ADAM19: variants seen among roughly 807,000 people sequenced by gnomAD.
The protein encoded by ADAM19 is ADAM metallopeptidase domain 19, also known as disintegrin and metalloproteinase domain-containing protein 19.
In ADAM19, 65 loss-of-function variants were observed where a neutral mutation model predicts 114.7. That is an observed-to-expected ratio of 0.57 (90% confidence interval 0.46 to 0.70). The LOEUF (loss-of-function observed/expected upper bound fraction) is 0.70. ADAM19 is among the 30% of genes least tolerant of loss of function. ADAM19 has a pLI of 0.00. For missense variants in ADAM19, 1,063 were observed against 1,204.7 expected (o/e 0.88, Z 1.74); for synonymous variants, 466 against 460.5 (o/e 1.01, Z -0.15).
At chr5:157,526,173 T>TACACAC (rs35119605) in intron 5 of ADAM19, among the ~76,000 whole-genome samples, 6 of 109,302 alleles carry the variant, frequency 5.5e-5, no homozygotes, top group Admixed American at 2.0e-4. Context: ...TATATATATA[T>TACACAC]ACACACACAC....
intron 7 of ADAM19, among the ~76,000 whole-genome samples, chr5:157,514,829 C>T (rs962591826): frequency 3.6e-4 from 55 of 152,304 alleles, no homozygotes; most frequent in African/African-American, 1.3e-3. Context: ...CTGCAAATTA[C>T]ATTTAAAAAT....
At chr5:157,515,509 G>A (rs1288695627) in intron 7 of ADAM19, among the ~76,000 whole-genome samples, 1 of 152,180 alleles carries the variant, frequency 6.6e-6, no homozygotes, top group Non-Finnish European at 1.5e-5. Context: ...CTGTGCAGTG[G>A]TGGCTCAGAA....
chr5:157,489,174 C>T lies in ADAM19; in HGVS notation c.2253G>A (p.Arg751=), dbSNP rs778354767. ...KLRQQFSCPF[R]VSQNSGTGHA... is the part of the protein sequence containing the mutation. ...GACCAGTCCCGCTGTTCTGAGAAAC[C>T]CTGAAGGGACAACTAGAAACAAGAA... Residue 751 remains arginine, a synonymous_variant, in exon 20 of 23, where the codon AGG becomes AGA. Coordinates refer to ENST00000257527, the MANE Select transcript of ADAM19 (RefSeq NM_033274.5). The T allele has an allele frequency of 1.9e-5, 31 of 1,613,468 alleles. No homozygotes were observed. The highest frequency in any genetic ancestry group is 1.6e-4 in the Middle Eastern group (1 of 6,080).
At chr5:157,506,761 T>C (rs1401884619) in intron 10 of ADAM19, among the ~76,000 whole-genome samples, 5 of 152,190 alleles carry the variant, frequency 3.3e-5, no homozygotes, top group African/African-American at 1.2e-4. Context: ...CTCTACTCTC[T>C]TACTATTTTC....
chr5:157,559,552 G>A (rs1025205408), intron 3 of ADAM19, among the ~76,000 whole-genome samples: 6 of 152,210 alleles, frequency 3.9e-5, no homozygotes, highest in African/African-American at 1.4e-4. Context: ...GACAGGATAT[G>A]GCGCTGGGGC....
At chr5:157,481,448 CACA>C in intron 22 of ADAM19, 1 of 765,602 alleles carries the variant, frequency 1.3e-6, no homozygotes, top group South Asian at 1.9e-5. Flanking sequence ...CCTTGCTCTT[CACA>C]ACAACCTGAT....
chr5:157,524,792 A>C (rs1240672135), intron 5 of ADAM19, among the ~76,000 whole-genome samples: 1 of 152,244 alleles, frequency 6.6e-6, no homozygotes, highest in African/African-American at 2.4e-5. Flanking sequence ...AACACTGCCC[A>C]TCTCACAGAG....
chr5:157,533,353 G>A (rs910932407), intron 4 of ADAM19, among the ~76,000 whole-genome samples: 1 of 152,208 alleles, frequency 6.6e-6, no homozygotes, highest in Non-Finnish European at 1.5e-5. Flanking sequence ...CCAGTGTGCT[G>A]TGATTATGAA....
At chr5:157,505,496 G>C (rs576282403) in intron 11 of ADAM19, among the ~76,000 whole-genome samples, 173 bp downstream of exon 11, 126 of 152,346 alleles carry the variant, frequency 8.3e-4, no homozygotes, top group Middle Eastern at 3.4e-3. Context: ...TTAAGTTCTT[G>C]CTGCACATTT....
At position 157,571,019 on chromosome 5, in the gene ADAM19, C is replaced by T. The variant is rs779763040; in HGVS notation, c.95-39G>A. The T allele has an allele frequency of 1.8e-5, 28 of 1,575,128 alleles. 1 individual carries two copies. The South Asian group carries it at 2.8e-4, about 16-fold the overall frequency. On this transcript the variant is annotated intron_variant, in intron 1 of 22. Coordinates refer to ENST00000257527, the MANE Select transcript of ADAM19 (RefSeq NM_033274.5). ...ATGCAAAACCATTGGAATCCCAGAC[C>T]TCTATACCCCAGCTAAGCCACACAT...
At chr5:157,482,344 TC>T (rs1285947934) in intron 21 of ADAM19, among the ~76,000 whole-genome samples, 3 of 152,384 alleles carry the variant, frequency 2.0e-5, no homozygotes, top group Non-Finnish European at 2.9e-5. Flanking sequence ...CTTCTCCCAT[TC>T]TGTAGGTTGC....
intron 3 of ADAM19, among the ~76,000 whole-genome samples, chr5:157,539,720 C>G (rs995058706): frequency 5.3e-5 from 8 of 152,148 alleles, no homozygotes; most frequent in African/African-American, 9.7e-5. Context: ...GTCTCCCAGT[C>G]CTTTCTCTTT....
intron 4 of ADAM19, among the ~76,000 whole-genome samples, chr5:157,533,899 C>T (rs1204294956): frequency 3.3e-5 from 5 of 151,916 alleles, no homozygotes; most frequent in East Asian, 1.9e-4. Context: ...ACCCAGGAGG[C>T]GGAGGTTGCA....
At chr5:157,556,822 A>G (rs1029961190) in intron 3 of ADAM19, among the ~76,000 whole-genome samples, 2 of 152,214 alleles carry the variant, frequency 1.3e-5, no homozygotes, top group African/African-American at 2.4e-5. Flanking sequence ...TCAATAAGAC[A>G]TTGTGTGAAG....
rs1315460788 is a variant in ADAM19 at position 157,575,657 on chromosome 5, C to A, written c.40G>T (p.Ala14Ser). 1.1e-5 allele frequency: 16 copies of A among 1,399,102 alleles called. No individual in the cohort carries two copies. The highest frequency in any genetic ancestry group is 1.5e-5 in the Non-Finnish European group (16 of 1,084,558). The allele number at this position is 1,399,102 out of a possible 1,614,324, so 86.7% of individuals were successfully genotyped here. The change falls in exon 1 of 23, where the codon GCG becomes TCG. Residue 14 changes from alanine (A) to serine (S), a missense_variant. Transcript: ENST00000257527. ...GAGAARLCLL[A>S]FALQPLRPRA... ...GGCCGGAGGGGCTGCAGGGCAAACGCCAGCAAGCAGAGCCGGGCGGCGCCT... is the reference window on the plus strand; with the variant it reads ...GGCCGGAGGGGCTGCAGGGCAAACGACAGCAAGCAGAGCCGGGCGGCGCCT...
At chr5:157,495,671 T>A (rs779914853) in intron 14 of ADAM19, among the ~76,000 whole-genome samples, 1 of 152,158 alleles carries the variant, frequency 6.6e-6, no homozygotes, top group Non-Finnish European at 1.5e-5. Flanking sequence ...TCTTGCTCTG[T>A]CACCCAGGCT....
chr5:157,518,256 G>A (rs1581321579), intron 7 of ADAM19, among the ~76,000 whole-genome samples: 1 of 135,902 alleles, frequency 7.4e-6, no homozygotes, highest in East Asian at 2.5e-4. Context: ...CAACTGTCTT[G>A]ATTTTCTATG....
At position 157,555,143 on chromosome 5, in the gene ADAM19, C is replaced by T. The variant is rs1012084029; in HGVS notation, c.251+9230G>A. On this transcript the variant is annotated intron_variant, in intron 3 of 22. Coordinates refer to ENST00000257527, the MANE Select transcript of ADAM19 (RefSeq NM_033274.5). The stretch of plus-strand genomic sequence containing the variant: ...AACAGATCTAGTTTCACATCCTGGC[C>T]CTGCTCTTCCCACCCACATGACTTT... Among the ~76,000 whole-genome samples, 6 of 152,154 alleles carry T rather than the reference C, an allele frequency of 3.9e-5. No individual in the cohort carries two copies. In the East Asian group the frequency reaches 1.2e-3, roughly 29 times the overall value.
chr5:157,498,684 G>GTACGTATATA (rs1554079316), intron 13 of ADAM19, among the ~76,000 whole-genome samples: 3 of 66,286 alleles, frequency 4.5e-5, no homozygotes, highest in Non-Finnish European at 9.4e-5. Context: ...ACACATGTGT[G>GTACGTATATA]TATGTATATA....
Sources: gnomAD v4.1 joint callset for allele counts (sites outside exome capture counted in the v4.1 genomes callset) on GRCh38, gnomAD v4.1.1 for gene constraint, MANE v1.5 for transcripts, NCBI Gene and HGNC (gene_info 2026-07-23, HGNC 2026-07-21) for gene names.